USP22: variants seen among roughly 807,000 people sequenced by gnomAD.
USP22 encodes the protein ubiquitin carboxyl-terminal hydrolase 22.
Under a neutral mutation model 68.1 loss-of-function variants are expected in USP22, and 22 were observed. The observed-to-expected ratio is 0.32, with a 90% confidence interval of 0.23 to 0.46. USP22 has a LOEUF of 0.46. Ranked by LOEUF, USP22 falls within the 20% of genes least tolerant of loss-of-function variation. USP22 has a pLI of 1.00. For missense variants in USP22, 433 were observed against 695.8 expected, an observed-to-expected ratio of 0.62 and a Z score of 4.25; for synonymous variants, 279 against 274.2, an observed-to-expected ratio of 1.02 and a Z score of -0.17.
rs111454728 is a variant in USP22, at chr17:21,015,494, T to C, written c.838+258A>G. On this transcript the variant is annotated intron_variant, in intron 6 of 12. Transcript: ENST00000261497. ...CAAGAGGGCTCCAAGAGTTTGCTGT[T>C]CACTGTGATCGGTCACTGAGGACCT... Among the ~76,000 whole-genome samples the C allele has an allele frequency of 4.8e-3, 731 of 152,216 alleles. 9 individuals carry two copies. Among genetic ancestry groups the C allele is most frequent in the African/African-American group, 0.017 (692 of 41,536 alleles).
intron 10 of USP22, among the ~76,000 whole-genome samples, chr17:21,006,163 G>C (rs1490835140): frequency 6.6e-6 from 1 of 152,164 alleles, no homozygotes; most frequent in Admixed American, 6.5e-5. Flanking sequence ...TTGGTCATTT[G>C]TCACAGAACC....
In USP22 at chr17:21,002,685, G is replaced by T; in HGVS notation, c.*346C>A. ...GCAGGTAGGGGCCTTTCCACACCGA[G>T]TGCTGGGGAACGCCAGGCAGCGGTC... On this transcript the variant is annotated 3_prime_UTR_variant, in exon 13 of 13. Transcript: ENST00000261497. The T allele has an allele frequency of 3.1e-6, 1 of 319,812 alleles. No individual in the cohort carries two copies. The highest frequency in any genetic ancestry group is 6.1e-6 in the Non-Finnish European group (1 of 163,780). 19.8% of individuals were successfully genotyped at this position (319,812 alleles called of 1,614,324 possible). A position where few individuals can be genotyped will look rare whatever the true frequency, so the allele number is the denominator to read the frequency against.
intron 5 of USP22, 130 bp downstream of exon 5, chr17:21,017,812 T>C (rs1447965046): frequency 8.6e-6 from 10 of 1,165,598 alleles, no homozygotes; most frequent in Non-Finnish European, 1.1e-5. Context: ...TAGACATGTA[T>C]ATTAAACATT....
At chr17:21,027,331 G>A (rs377745675) in intron 2 of USP22, among the ~76,000 whole-genome samples, 2 of 129,684 alleles carry the variant, frequency 1.5e-5, no homozygotes, top group East Asian at 2.1e-4. Flanking sequence ...TATCTGTGTC[G>A]TCAGCCTCAG....
rs118038927 is a variant in USP22, at chr17:21,011,234, G to A, written c.1020C>T (p.Pro340=). Reference sequence around the variant, plus strand: ...CGTTGCCCTCGCTCCCTGGGCTCAGGGGCCAGAATGGGGTGGAAGAGCCGG... The same window carrying A: ...CGTTGCCCTCGCTCCCTGGGCTCAGAGGCCAGAATGGGGTGGAAGAGCCGG... ...DLPGSSTPFW[P]LSPGSEGNVV... The change falls in exon 8 of 13, where the codon CCC becomes CCT. Residue 340 remains proline, a synonymous_variant. Transcript: ENST00000261497. The A allele has an allele frequency of 6.2e-7, 1 of 1,606,602 alleles. No individual in the cohort carries two copies. Among genetic ancestry groups the A allele is most frequent in the South Asian group, 1.1e-5 (1 of 89,804 alleles).
intron 1 of USP22, chr17:21,042,125 C>G (rs1409537828): frequency 6.6e-6 from 1 of 152,478 alleles, no homozygotes; most frequent in Non-Finnish European, 1.5e-5. Flanking sequence ...ACTCGACAGC[C>G]CCCCATCCTT....
In USP22 at chr17:21,019,082, A is replaced by G; in HGVS notation, c.520+2T>C. On this transcript the variant is annotated splice_donor_variant, in intron 4 of 12. Transcript: ENST00000261497. LOFTEE classifies it high-confidence loss of function. The stretch of plus-strand genomic sequence containing the variant: ...CTGAGAGTGACGACACGCTCCACCC[A>G]CCTATGGTGCAGTTCGAGGTGATCT... 6.2e-7 allele frequency: 1 copy of G among 1,613,950 alleles called. No homozygotes were observed. The highest frequency in any genetic ancestry group is 8.5e-7 in the Non-Finnish European group (1 of 1,179,878).
At chr17:21,005,103 G>C in intron 10 of USP22, 113 bp from the exon 11 acceptor site, 1 of 1,218,186 alleles carries the variant, frequency 8.2e-7, no homozygotes, top group East Asian at 2.4e-5. Context: ...GCTGCACCGA[G>C]GTGCACTTTA....
intron 7 of USP22, chr17:21,011,739 CCTGCA>C (rs1352574753): frequency 6.1e-6 from 1 of 164,664 alleles, no homozygotes; most frequent in Non-Finnish European, 1.3e-5. Context: ...GGCCCGGTGG[CCTGCA>C]CTGGACAGTC....
intron 1 of USP22, among the ~76,000 whole-genome samples, chr17:21,037,475 G>T (rs560337662): frequency 6.6e-6 from 1 of 152,314 alleles, no homozygotes; most frequent in African/African-American, 2.4e-5. Flanking sequence ...GAATGAGAAG[G>T]GCACTTCATC....
At chr17:21,024,335 C>A (rs1972194113) in intron 2 of USP22, among the ~76,000 whole-genome samples, 1 of 152,180 alleles carries the variant, frequency 6.6e-6, no homozygotes, top group South Asian at 2.1e-4. Context: ...ATCACCATTC[C>A]AGTGCCTATG....
chr17:21,015,300 A>C (rs1914096334), intron 6 of USP22, among the ~76,000 whole-genome samples: 2 of 152,216 alleles, frequency 1.3e-5, no homozygotes, highest in Admixed American at 6.5e-5. Context: ...CCTGTGTCCC[A>C]GCTCTCTGGC....
At position 21,042,865 on chromosome 17, in the gene USP22, G is replaced by A. The variant is rs1972460043; in HGVS notation, c.-30C>T. ...GGCAAGGCCCGGCCGCGCGCGGGGG[G>A]CGGCGGCGAGGGAGGCGAGGACGAC... is the stretch of plus-strand genomic sequence containing the variant. On this transcript the variant is annotated 5_prime_UTR_variant, in exon 1 of 13. Coordinates refer to ENST00000261497, the MANE Select transcript of USP22 (RefSeq NM_015276.2). 4.0e-6 allele frequency: 5 copies of A among 1,236,452 alleles called. No individual in the cohort carries two copies. Among genetic ancestry groups the A allele is most frequent in the South Asian group, 3.3e-5 (1 of 30,342 alleles). The allele number at this position is 1,236,452 out of a possible 1,614,324, so 76.6% of individuals were successfully genotyped here.
intron 1 of USP22, among the ~76,000 whole-genome samples, chr17:21,029,033 G>A (rs1972256981): frequency 6.7e-6 from 1 of 149,016 alleles, no homozygotes; most frequent in African/African-American, 2.5e-5. Flanking sequence ...CCTTAACCTG[G>A]ACATCATTTC....
At position 21,000,704 on chromosome 17, in the gene USP22, A is replaced by G. The variant is rs2143486947; in HGVS notation, c.*2327T>C. On this transcript the variant is annotated 3_prime_UTR_variant, in exon 13 of 13. Coordinates refer to ENST00000261497, the MANE Select transcript of USP22 (RefSeq NM_015276.2). ...GCAAGCCTTCATGAAGGCACTGCCCAGCTCACAATCCTGTGGGCCAACTTC... is the reference window on the plus strand; with the variant it reads ...GCAAGCCTTCATGAAGGCACTGCCCGGCTCACAATCCTGTGGGCCAACTTC... 1 of 152,390 alleles carries G rather than the reference A, an allele frequency of 6.6e-6. No homozygotes were observed. The highest frequency in any genetic ancestry group is 2.1e-4 in the South Asian group (1 of 4,828). 9.4% of individuals were successfully genotyped at this position (152,390 alleles called of 1,614,324 possible). A position where few individuals can be genotyped will look rare whatever the true frequency, so the allele number is the denominator to read the frequency against.
chr17:21,033,893 C>G (rs964053331), intron 1 of USP22, among the ~76,000 whole-genome samples: 1 of 151,834 alleles, frequency 6.6e-6, no homozygotes, highest in African/African-American at 2.4e-5. Flanking sequence ...GGACTACGGG[C>G]GCGTGCCACC....
rs1173215863 is a variant in USP22, at chr17:21,032,916, CTG to C, written c.172-4244_172-4243del. ...CTAGCCTGAGCAACAGAACCAGACC[CTG>C]TCTCAAAAAAAAAAAAAAAAAAAAA... On this transcript the variant is annotated intron_variant, in intron 1 of 12. Transcript: ENST00000261497. 6.8e-3 allele frequency among the ~76,000 whole-genome samples: 707 copies of C among 104,590 alleles called. 8 individuals are homozygous for C. Among genetic ancestry groups the C allele is most frequent in the African/African-American group, 0.035 (670 of 19,368 alleles). 68.6% of individuals were successfully genotyped at this position (104,590 alleles called of 152,430 possible).
intron 2 of USP22, among the ~76,000 whole-genome samples, chr17:21,027,319 A>G (rs770710419): frequency 4.4e-5 from 6 of 137,514 alleles, no homozygotes; most frequent in Non-Finnish European, 6.5e-5. Flanking sequence ...AATCAGACAC[A>G]CTATCTGTGT....
intron 1 of USP22, among the ~76,000 whole-genome samples, chr17:21,036,896 AG>A (rs1444704664): frequency 1.3e-5 from 2 of 152,178 alleles, no homozygotes; most frequent in East Asian, 3.8e-4. Flanking sequence ...CCAGATCTTG[AG>A]ATCTAATTCC....
Sources: gnomAD v4.1 joint callset for allele counts (sites outside exome capture counted in the v4.1 genomes callset) on GRCh38, gnomAD v4.1.1 for gene constraint, MANE v1.5 for transcripts, NCBI Gene and HGNC (gene_info 2026-07-23, HGNC 2026-07-21) for gene names.